The following CACNG2 variants were observed in gnomAD, a reference collection of about 807,000 sequenced individuals.
CACNG2 encodes the protein voltage-dependent calcium channel gamma-2 subunit.
In CACNG2, 3 loss-of-function variants were observed where a neutral mutation model predicts 25.9. That is an observed-to-expected ratio of 0.12 (90% confidence interval 0.05 to 0.30). The LOEUF is 0.30. CACNG2 is among the 10% of genes least tolerant of loss of function. The pLI is 1.00. For missense variants in CACNG2, 341 were observed against 432.5 expected (o/e 0.79, Z 1.88); for synonymous variants, 167 against 173.3 (o/e 0.96, Z 0.29).
Position 36,564,708 on chromosome 22 carries a change from G to A in CACNG2, c.615C>T (p.His205=). 1.2e-6 allele frequency: 2 copies of A among 1,614,152 alleles called. No homozygotes were observed. The highest frequency in any genetic ancestry group is 1.1e-5 in the South Asian group (1 of 91,086). The change falls in exon 4 of 4, where the codon CAC becomes CAT. Residue 205 remains histidine (H), a synonymous_variant. Coordinates refer to ENST00000300105, the MANE Select transcript of CACNG2 (RefSeq NM_006078.5). The surrounding 1 kb of genome is among the most constrained non-coding windows in gnomAD (Gnocchi z 6.7). ...VLAVHMFIDR[H]KQLRATARAT... is the part of the protein sequence containing the mutation. ...CGCGGGCCGTGGCCCGCAGCTGTTT[G>A]TGCCGGTCGATAAACATGTGCACCG...
rs147878619 is a variant in CACNG2, at chr22:36,702,451, G to A, written c.126C>T (p.Thr42=). The change falls in exon 1 of 4, where the codon ACC becomes ACT. Residue 42 remains threonine, a synonymous_variant. Transcript: ENST00000300105. ...TGGTTTCATTCTCACTGACACTTTT[G>A]GTCTTGCAAACCCCTCTGGAGTAGA... ...YWLYSRGVCK[T]KSVSENETSK... 12 of 1,613,858 alleles carry A rather than the reference G, an allele frequency of 7.4e-6. No homozygotes were observed. Among genetic ancestry groups the A allele is most frequent in the Non-Finnish European group, 8.5e-6 (10 of 1,179,954 alleles).
At chr22:36,653,982 CTG>C (rs34435196) in intron 1 of CACNG2, among the ~76,000 whole-genome samples, 40,862 of 133,898 alleles carry the variant, frequency 0.31, 6,050 homozygotes, top group Middle Eastern at 0.42. Context: ...GTGTGTGTCT[CTG>C]TGTGTGTGTG....
At chr22:36,577,409 T>C (rs1203697828) in intron 2 of CACNG2, among the ~76,000 whole-genome samples, 1 of 152,000 alleles carries the variant, frequency 6.6e-6, no homozygotes, top group Non-Finnish European at 1.5e-5. Flanking sequence ...CCCAGCACTT[T>C]GGGAGGCCGA....
chr22:36,621,434 G>A (rs1008527006), intron 1 of CACNG2, among the ~76,000 whole-genome samples: 1 of 152,116 alleles, frequency 6.6e-6, no homozygotes, highest in African/African-American at 2.4e-5. Flanking sequence ...GCCAGGCATG[G>A]AGGCACATAC....
At chr22:36,602,802 T>C (rs1935774432) in intron 1 of CACNG2, among the ~76,000 whole-genome samples, 1 of 152,222 alleles carries the variant, frequency 6.6e-6, no homozygotes. Flanking sequence ...ACGAACTTAA[T>C]TGATAAATGC....
chr22:36,624,239 C>T (rs1046330725), intron 1 of CACNG2, among the ~76,000 whole-genome samples: 7 of 152,194 alleles, frequency 4.6e-5, no homozygotes, highest in Non-Finnish European at 7.3e-5. Flanking sequence ...GAGGCAAAGC[C>T]GTGAACCAGG....
At chr22:36,663,724 G>A (rs903025442) in intron 1 of CACNG2, among the ~76,000 whole-genome samples, 4 of 152,148 alleles carry the variant, frequency 2.6e-5, no homozygotes, top group African/African-American at 7.2e-5. Context: ...ATGACTGCCT[G>A]GTACTGTTCA....
Position 36,606,289 on chromosome 22 carries a change from C to T in CACNG2, c.212-18741G>A, listed in dbSNP as rs765189579. Among the ~76,000 whole-genome samples, 17 of 152,296 alleles carry T rather than the reference C, an allele frequency of 1.1e-4. No homozygotes were observed. The highest frequency in any genetic ancestry group is 3.4e-3 in the Middle Eastern group (1 of 294). ...AAGGGCAGCGAGGGCGTTGGCTGGTCGCCGGGAACAAGCTGCCATGAGCCA... is the reference window on the plus strand; with the variant it reads ...AAGGGCAGCGAGGGCGTTGGCTGGTTGCCGGGAACAAGCTGCCATGAGCCA... On this transcript the variant is annotated intron_variant, in intron 1 of 3. Coordinates refer to ENST00000300105, the MANE Select transcript of CACNG2 (RefSeq NM_006078.5). The surrounding 1 kb of genome is among the most constrained non-coding windows in gnomAD (Gnocchi z 5.7).
chr22:36,681,310 A>T (rs940002863), intron 1 of CACNG2, among the ~76,000 whole-genome samples: 2 of 152,172 alleles, frequency 1.3e-5, no homozygotes, highest in Admixed American at 6.5e-5. Context: ...GACTTTTCCT[A>T]CCTGGTGATA....
chr22:36,613,403 C>T (rs192445601), intron 1 of CACNG2, among the ~76,000 whole-genome samples: 4 of 152,300 alleles, frequency 2.6e-5, no homozygotes, highest in Non-Finnish European at 5.9e-5. Flanking sequence ...TCTACACATG[C>T]CCCTACAGCT....
rs79492990 is a variant in CACNG2, at chr22:36,681,504, T to C, written c.211+20862A>G. Among the ~76,000 whole-genome samples, 513 of 152,242 alleles carry C rather than the reference T, an allele frequency of 3.4e-3. 6 individuals are homozygous for C. Among genetic ancestry groups the C allele is most frequent in the African/African-American group, 0.011 (443 of 41,508 alleles). On this transcript the variant is annotated intron_variant, in intron 1 of 3. Transcript: ENST00000300105. ...CCTGTAAATGCTTACTGAATTAAATTTGAGCATCAGCCTTTGGGCAGGAAC... is the reference window on the plus strand; with the variant it reads ...CCTGTAAATGCTTACTGAATTAAATCTGAGCATCAGCCTTTGGGCAGGAAC...
At chr22:36,699,277 AG>A (rs1350862030) in intron 1 of CACNG2, among the ~76,000 whole-genome samples, 1 of 144,302 alleles carries the variant, frequency 6.9e-6, no homozygotes, top group Non-Finnish European at 1.5e-5. Context: ...ACACACACAC[AG>A]ACTTTTCAGT....
chr22:36,630,009 G>A (rs530549797), intron 1 of CACNG2, among the ~76,000 whole-genome samples: 3 of 152,294 alleles, frequency 2.0e-5, no homozygotes, highest in African/African-American at 4.8e-5. Context: ...TGCAAAGCCC[G>A]GGGAAGTGCA....
chr22:36,670,298 T>A (rs2145992151), intron 1 of CACNG2, among the ~76,000 whole-genome samples: 1 of 150,980 alleles, frequency 6.6e-6, no homozygotes, highest in East Asian at 1.9e-4. Flanking sequence ...CAATTCTCCA[T>A]CATCCCAGCT....
In CACNG2 at chr22:36,674,397, C is replaced by A. The variant is rs149975603; in HGVS notation, c.211+27969G>T. Among the ~76,000 whole-genome samples the A allele has an allele frequency of 7.7e-3, 1,168 of 152,258 alleles. 13 individuals are homozygous for A. Among genetic ancestry groups the A allele is most frequent in the African/African-American group, 0.027 (1,127 of 41,538 alleles). On this transcript the variant is annotated intron_variant, in intron 1 of 3. Coordinates refer to ENST00000300105, the MANE Select transcript of CACNG2 (RefSeq NM_006078.5). ...AGGCTGGAGTGTAGTGGCACTATCTCGGCTCACTGCAACCTCTACCTCTTG... is the reference window on the plus strand; with the variant it reads ...AGGCTGGAGTGTAGTGGCACTATCTAGGCTCACTGCAACCTCTACCTCTTG...
chr22:36,605,404 C>T (rs185327822), intron 1 of CACNG2, among the ~76,000 whole-genome samples: 60 of 152,180 alleles, frequency 3.9e-4, no homozygotes, highest in African/African-American at 1.4e-3. Flanking sequence ...CACTAGGAAA[C>T]CAAAAAATTT....
At chr22:36,596,235 CTTTGCTGCTCCTGGCTT>C (rs1935676693) in intron 1 of CACNG2, among the ~76,000 whole-genome samples, 1 of 152,194 alleles carries the variant, frequency 6.6e-6, no homozygotes, top group Non-Finnish European at 1.5e-5. Context: ...TGTTTTCAAC[CTTTGCTGCTCCTGGCTT>C]TTTGCTTTCC....
intron 2 of CACNG2, among the ~76,000 whole-genome samples, chr22:36,575,741 C>T (rs763407795): frequency 6.6e-6 from 1 of 152,200 alleles, no homozygotes; most frequent in African/African-American, 2.4e-5. Flanking sequence ...TACAGCCAGG[C>T]CATGCTGCTG....
At chr22:36,571,680 C>T (rs1365507479) in intron 2 of CACNG2, among the ~76,000 whole-genome samples, 1 of 151,850 alleles carries the variant, frequency 6.6e-6, no homozygotes, top group East Asian at 1.9e-4. Flanking sequence ...AGTTCAAGAC[C>T]AGCCTAGCCA....
Sources: gnomAD v4.1 joint callset for allele counts (sites outside exome capture counted in the v4.1 genomes callset) on GRCh38, gnomAD v4.1.1 for gene constraint, Gnocchi (gnomAD v3.1) non-coding constraint, MANE v1.5 for transcripts, NCBI Gene and HGNC (gene_info 2026-07-23, HGNC 2026-07-21) for gene names.